STK33: variants seen among roughly 807,000 people sequenced by gnomAD.
STK33 encodes the protein serine/threonine kinase 33, also known as serine/threonine-protein kinase 33.
STK33 carries 52 observed loss-of-function variants against 58.0 expected under a neutral mutation model. That is an observed-to-expected ratio of 0.90 (90% CI 0.72 to 1.13). The LOEUF is 1.13. Among genes scored for constraint, STK33 ranks in the 50% most tolerant of loss-of-function variants. The pLI is 0.00. For missense variants in STK33, 630 were observed against 604.2 expected (o/e 1.04, Z -0.45); for synonymous variants, 215 against 200.1 (o/e 1.07, Z -0.63).
intron 15 of STK33, among the ~76,000 whole-genome samples, chr11:8,404,920 C>T (rs747728501): frequency 3.3e-5 from 5 of 152,166 alleles, no homozygotes; most frequent in East Asian, 1.9e-4. Context: ...GTAGGCGGAT[C>T]GCGAGGTCAG....
At chr11:8,478,034 T>A (rs1949444822) in intron 2 of STK33, among the ~76,000 whole-genome samples, 1 of 152,194 alleles carries the variant, frequency 6.6e-6, no homozygotes, top group Non-Finnish European at 1.5e-5. Flanking sequence ...TAACTTCTTT[T>A]TGGCTGGCTG....
At chr11:8,439,662 G>C (rs1944472008) in intron 12 of STK33, among the ~76,000 whole-genome samples, 1 of 151,244 alleles carries the variant, frequency 6.6e-6, no homozygotes, top group African/African-American at 2.4e-5. Flanking sequence ...GTGTGTCCGA[G>C]TATTGAAATG....
intron 1 of STK33, among the ~76,000 whole-genome samples, chr11:8,591,885 T>C (rs1565439160): frequency 6.6e-6 from 1 of 151,802 alleles, no homozygotes; most frequent in Non-Finnish European, 1.5e-5. Context: ...TACCTAATGC[T>C]AAATGACGAG....
chr11:8,489,285 A>G (rs1452580497), intron 1 of STK33, among the ~76,000 whole-genome samples: 1 of 146,284 alleles, frequency 6.8e-6, no homozygotes, highest in Non-Finnish European at 1.5e-5. Flanking sequence ...AAAAAAAAAG[A>G]AAGAAAAGAA....
chr11:8,519,634 GA>G (rs1953190622), intron 1 of STK33, among the ~76,000 whole-genome samples: 1 of 151,970 alleles, frequency 6.6e-6, no homozygotes, highest in Non-Finnish European at 1.5e-5. Context: ...GAATCAAATA[GA>G]CACAATAAAA....
intron 1 of STK33, among the ~76,000 whole-genome samples, 190 bp from the exon 2 acceptor site, chr11:8,480,804 G>T (rs886231888): frequency 7.2e-5 from 11 of 152,058 alleles, no homozygotes; most frequent in African/African-American, 2.7e-4. Context: ...CAAACAGGAA[G>T]GCTCTGCTGT....
At chr11:8,363,438 C>T in the STK33 span, among the ~76,000 whole-genome samples, 1 of 152,226 alleles carries the variant, frequency 6.6e-6, no homozygotes, top group Non-Finnish European at 1.5e-5. Context: ...CAGTGGACTT[C>T]CTCATGACCC....
At chr11:8,464,448 C>T (rs959363104) in intron 7 of STK33, among the ~76,000 whole-genome samples, 1 of 152,190 alleles carries the variant, frequency 6.6e-6, no homozygotes, top group African/African-American at 2.4e-5. Context: ...TCAGCAAACT[C>T]TGGTAAAATT....
chr11:8,521,830 A>G (rs1204423639), intron 1 of STK33, among the ~76,000 whole-genome samples: 1 of 152,230 alleles, frequency 6.6e-6, no homozygotes, highest in African/African-American at 2.4e-5. Context: ...ATGAACAGAC[A>G]CTTCTCAAAA....
intron 1 of STK33, among the ~76,000 whole-genome samples, chr11:8,560,612 T>A (rs547676351): frequency 6.6e-6 from 1 of 152,174 alleles, no homozygotes; most frequent in South Asian, 2.1e-4. Flanking sequence ...AGGTTGAGAG[T>A]TATGCTTAGA....
intron 1 of STK33, among the ~76,000 whole-genome samples, chr11:8,499,299 T>A (rs1951321227): frequency 1.3e-5 from 2 of 152,212 alleles, no homozygotes; most frequent in African/African-American, 2.4e-5. Flanking sequence ...AAGACATTTA[T>A]GCAGCCAACA....
At chr11:8,492,876 A>G (rs1211680493) in intron 1 of STK33, among the ~76,000 whole-genome samples, 1 of 152,250 alleles carries the variant, frequency 6.6e-6, no homozygotes, top group Non-Finnish European at 1.5e-5. Flanking sequence ...GAAGGCAGAA[A>G]TAAAGATGTT....
At chr11:8,587,279 T>C (rs2031834893) in intron 1 of STK33, among the ~76,000 whole-genome samples, 1 of 152,202 alleles carries the variant, frequency 6.6e-6, no homozygotes, top group South Asian at 2.1e-4. Flanking sequence ...GGGAAACTAG[T>C]ATTTATTGAA....
At chr11:8,505,399 G>A (rs79010932) in intron 1 of STK33, among the ~76,000 whole-genome samples, 63 of 152,106 alleles carry the variant, frequency 4.1e-4, no homozygotes, top group Non-Finnish European at 5.0e-4. Flanking sequence ...TGACATTCTC[G>A]GACAGATGTC....
At chr11:8,382,548 T>C in the STK33 span, among the ~76,000 whole-genome samples, 4 of 152,156 alleles carry the variant, frequency 2.6e-5, no homozygotes, top group South Asian at 8.3e-4. Context: ...GCCATTCCAT[T>C]TAGGCAAAGA....
At chr11:8,577,740 A>G (rs1376906578) in intron 1 of STK33, among the ~76,000 whole-genome samples, 1 of 152,062 alleles carries the variant, frequency 6.6e-6, no homozygotes, top group African/African-American at 2.4e-5. Flanking sequence ...TTTATACTCT[A>G]TCCTATCTTA....
chr11:8,464,787 C>A lies in STK33; in HGVS notation c.375G>T (p.Gly125=). The A allele has an allele frequency of 6.2e-7, 1 of 1,613,256 alleles. No individual in the cohort carries two copies. The highest frequency in any genetic ancestry group is 8.5e-7 in the Non-Finnish European group (1 of 1,179,618). ...IYTFGRILGK[G]SFGIVIEATD... is the part of the protein sequence containing the mutation. The stretch of plus-strand genomic sequence containing the variant: ...TCGCTTCAATGACTATTCCAAAGCT[C>A]CCTTTTCCCAATATTCTTCCAAAGG... Residue 125 remains glycine (G), a synonymous_variant, in exon 7 of 16, where the codon GGG becomes GGT. Coordinates refer to ENST00000687296, the MANE Select transcript of STK33 (RefSeq NM_001352389.2).
At chr11:8,571,408 A>T (rs578009507) in intron 1 of STK33, among the ~76,000 whole-genome samples, 2 of 152,350 alleles carry the variant, frequency 1.3e-5, no homozygotes, top group Admixed American at 6.5e-5. Flanking sequence ...GGGATAGGCG[A>T]GGGGAGAATA....
At chr11:8,508,295 G>T (rs1472939052) in intron 1 of STK33, among the ~76,000 whole-genome samples, 2 of 124,648 alleles carry the variant, frequency 1.6e-5, no homozygotes, top group Non-Finnish European at 3.2e-5. Flanking sequence ...TTGAGACAGG[G>T]TCTCACTCTT....
Sources: gnomAD v4.1 joint callset for allele counts (sites outside exome capture counted in the v4.1 genomes callset) on GRCh38, gnomAD v4.1.1 for gene constraint, MANE v1.5 for transcripts, NCBI Gene and HGNC (gene_info 2026-07-23, HGNC 2026-07-21) for gene names.